Variants in HFM1 observed in about 807,000 individuals in gnomAD.
The protein encoded by HFM1 is helicase for meiosis 1, also known as probable ATP-dependent DNA helicase HFM1.
A neutral mutation model predicts 192.1 loss-of-function variants in HFM1; 169 were observed. That is an observed-to-expected ratio of 0.88 (90% CI 0.78 to 1.00). The LOEUF is 1.00. HFM1 is among the 50% of genes least tolerant of loss of function. The pLI, the probability that HFM1 is intolerant of heterozygous loss-of-function variation, is 0.00. For missense variants in HFM1, 1,661 were observed against 1,668.0 expected, an observed-to-expected ratio of 1.00 and a Z score of 0.07; for synonymous variants, 525 against 537.8, an observed-to-expected ratio of 0.98 and a Z score of 0.33.
rs922057402 is a variant in HFM1, at chr1:91,370,719, T to C, written c.1685+4639A>G. On this transcript the variant is annotated intron_variant, in intron 13 of 38. Transcript: ENST00000370425. The stretch of plus-strand genomic sequence containing the variant: ...CCTCTCTCACCACTCCTATTCAACA[T>C]AGTGTTGGAAGTTCTGGCCAGGGCA... Among the ~76,000 whole-genome samples the C allele has an allele frequency of 1.8e-4, 27 of 152,194 alleles. 2 individuals carry two copies. Among genetic ancestry groups the C allele is most frequent in the Admixed American group, 1.6e-3 (24 of 15,290 alleles).
At chr1:91,276,424 G>A (rs1666815175) in intron 32 of HFM1, among the ~76,000 whole-genome samples, 1 of 152,042 alleles carries the variant, frequency 6.6e-6, no homozygotes, top group Non-Finnish European at 1.5e-5. Flanking sequence ...GGTGCTCAAA[G>A]AAGATGGAAG....
chr1:91,406,319 G>T (rs1462194063), upstream of HFM1, among the ~76,000 whole-genome samples: 1 of 152,214 alleles, frequency 6.6e-6, no homozygotes, highest in Non-Finnish European at 1.5e-5. Context: ...TTGAGTGATA[G>T]AATTGTAGAA....
chr1:91,307,338 T>A (rs1046786322), intron 30 of HFM1, among the ~76,000 whole-genome samples: 2 of 152,234 alleles, frequency 1.3e-5, no homozygotes. Context: ...TTTTACATAG[T>A]CTACTTATAT....
intron 20 of HFM1, among the ~76,000 whole-genome samples, chr1:91,326,862 T>C (rs1385815797): frequency 6.6e-6 from 1 of 152,118 alleles, no homozygotes; most frequent in African/African-American, 2.4e-5. Flanking sequence ...GTAAAAAGCA[T>C]GGGGATGAAG....
chr1:91,263,109 C>T (rs1570700086), intron 36 of HFM1, among the ~76,000 whole-genome samples: 3 of 151,768 alleles, frequency 2.0e-5, no homozygotes, highest in Admixed American at 6.6e-5. Context: ...ATAAAGAAAA[C>T]GTCAGGGAGT....
At position 91,332,570 on chromosome 1, in the gene HFM1, C is replaced by T. The variant is rs114819680; in HGVS notation, c.2336-7804G>A. ...CAAAAATTTCTTGAGTAATACCCTA[C>T]AAGCACAGGCAACAAAAAATGGACA... On this transcript the variant is annotated intron_variant, in intron 20 of 38. Transcript: ENST00000370425. Among the ~76,000 whole-genome samples the T allele has an allele frequency of 1.6e-3, 240 of 152,200 alleles. 3 individuals carry two copies. The East Asian group carries it at 0.023, about 15-fold the overall frequency.
intron 30 of HFM1, among the ~76,000 whole-genome samples, chr1:91,308,384 G>T (rs1026034908): frequency 5.3e-5 from 8 of 151,978 alleles, no homozygotes; most frequent in African/African-American, 1.9e-4. Flanking sequence ...TACCCAACTA[G>T]CTCTTCATTT....
At chr1:91,390,898 TC>T (rs1485941387) in intron 4 of HFM1, among the ~76,000 whole-genome samples, 1 of 152,202 alleles carries the variant, frequency 6.6e-6, no homozygotes, top group Non-Finnish European at 1.5e-5. Flanking sequence ...ATAAGCAACT[TC>T]AGCAAAGTCT....
intron 13 of HFM1, among the ~76,000 whole-genome samples, chr1:91,368,695 G>A (rs954313149): frequency 5.9e-5 from 9 of 152,190 alleles, no homozygotes; most frequent in South Asian, 2.1e-4. Context: ...ATCCACTAAC[G>A]AGCAAAATAA....
chr1:91,300,927 C>A (rs1648657000), intron 30 of HFM1, among the ~76,000 whole-genome samples: 1 of 152,158 alleles, frequency 6.6e-6, no homozygotes, highest in Admixed American at 6.5e-5. Context: ...GTTGGAAGTT[C>A]TGGCCAGGGC....
At chr1:91,380,722 C>A (rs1209431201) in intron 7 of HFM1, among the ~76,000 whole-genome samples, 190 bp downstream of exon 7, 1 of 152,104 alleles carries the variant, frequency 6.6e-6, no homozygotes, top group African/African-American at 2.4e-5. Flanking sequence ...CCACTGCACT[C>A]AAATACAAAC....
At chr1:91,378,969 T>A (rs1661236121) in intron 9 of HFM1, 94 bp downstream of exon 9, 2 of 673,948 alleles carry the variant, frequency 3.0e-6, no homozygotes, top group Non-Finnish European at 2.4e-6. Context: ...AATATATGTT[T>A]CTAGTTTATA....
chr1:91,295,816 G>C (rs902294416), intron 30 of HFM1, among the ~76,000 whole-genome samples: 1 of 152,058 alleles, frequency 6.6e-6, no homozygotes, highest in African/African-American at 2.4e-5. Flanking sequence ...CCAAGGTCTC[G>C]AAGACCTATT....
chr1:91,288,794 A>G lies in HFM1; in HGVS notation c.3392-11732T>C, dbSNP rs533213177. On this transcript the variant is annotated intron_variant, in intron 30 of 38. Coordinates refer to ENST00000370425, the MANE Select transcript of HFM1 (RefSeq NM_001017975.6). Reference sequence around the variant, plus strand: ...CTACTTCTTTCTACACAGACACAGTAACAATCTGATCTCTCTTTCTTTTCC... The same window carrying G: ...CTACTTCTTTCTACACAGACACAGTGACAATCTGATCTCTCTTTCTTTTCC... Among the ~76,000 whole-genome samples the G allele has an allele frequency of 3.3e-3, 502 of 152,328 alleles. 5 individuals are homozygous for G. Among genetic ancestry groups the G allele is most frequent in the African/African-American group, 0.011 (468 of 41,580 alleles).
chr1:91,394,033 A>C, intron 4 of HFM1, 60 bp downstream of exon 4: 1 of 930,756 alleles, frequency 1.1e-6, no homozygotes, highest in South Asian at 2.0e-5. Context: ...TAATACTTTT[A>C]TATGTACAAA....
At chr1:91,368,419 C>A (rs960952242) in intron 13 of HFM1, among the ~76,000 whole-genome samples, 1 of 152,290 alleles carries the variant, frequency 6.6e-6, no homozygotes, top group East Asian at 1.9e-4. Context: ...CTCTACAAAC[C>A]AGAAGAGAGT....
intron 20 of HFM1, among the ~76,000 whole-genome samples, chr1:91,327,531 T>C (rs1653099858): frequency 6.6e-6 from 1 of 152,076 alleles, no homozygotes; most frequent in African/African-American, 2.4e-5. Context: ...AATATGATGA[T>C]AGCTGGAGAC....
At chr1:91,406,125 T>C (rs1244370570), upstream of HFM1, among the ~76,000 whole-genome samples, 3 of 152,222 alleles carry the variant, frequency 2.0e-5, no homozygotes, top group Admixed American at 6.5e-5. Flanking sequence ...GCTCGCTCTT[T>C]TCCTACCATG....
intron 2 of HFM1, among the ~76,000 whole-genome samples, chr1:91,397,207 C>T (rs897141912): frequency 6.6e-6 from 1 of 152,114 alleles, no homozygotes; most frequent in Non-Finnish European, 1.5e-5. Context: ...TAGTCCAAAC[C>T]ATCTACAAAC....
Sources: allele counts gnomAD v4.1 joint callset (sites outside exome capture counted in the v4.1 genomes callset), GRCh38; gene constraint gnomAD v4.1.1; transcripts MANE v1.5; gene names NCBI Gene and HGNC (gene_info 2026-07-23, HGNC 2026-07-21).